Variants in SMNDC1 observed in about 807,000 individuals in gnomAD.
The protein encoded by SMNDC1 is survival of motor neuron-related-splicing factor 30.
Under a neutral mutation model 29.2 loss-of-function variants are expected in SMNDC1, and 5 were observed. The observed-to-expected ratio is 0.17, with a 90% confidence interval of 0.09 to 0.36. The LOEUF (loss-of-function observed/expected upper bound fraction) is 0.36. SMNDC1 is among the 10% of genes least tolerant of loss of function. SMNDC1 has a pLI of 1.00. For missense variants in SMNDC1, 142 were observed against 268.5 expected, an observed-to-expected ratio of 0.53 and a Z score of 3.29; for synonymous variants, 80 against 89.9, an observed-to-expected ratio of 0.89 and a Z score of 0.62.
chr10:110,303,714 T>C lies in SMNDC1; in HGVS notation c.1-127A>G, dbSNP rs560905394. 5.2e-4 allele frequency: 386 copies of C among 748,848 alleles called. 2 individuals are homozygous for C. Among genetic ancestry groups the C allele is most frequent in the South Asian group, 2.1e-3 (108 of 50,464 alleles). 46.4% of individuals were successfully genotyped at this position (748,848 alleles called of 1,614,324 possible). ...ACTCCTTCTAACACTGCAGCTTAAT[T>C]TACCACCATTACCTTTACTCTCAGT... On this transcript the variant is annotated intron_variant, in intron 1 of 5. Transcript: ENST00000369603.
At chr10:110,303,366 A>T in intron 2 of SMNDC1, 102 bp downstream of exon 2, 2 of 978,458 alleles carry the variant, frequency 2.0e-6, no homozygotes, top group Non-Finnish European at 2.9e-6. Context: ...ACATATATAC[A>T]TAGGGTGGGG....
intron 5 of SMNDC1, 143 bp downstream of exon 5, chr10:110,295,085 T>TA: frequency 1.5e-6 from 1 of 674,630 alleles, no homozygotes; most frequent in Non-Finnish European, 2.4e-6. Flanking sequence ...TTCAATAAGT[T>TA]AAATTGAGCA....
In SMNDC1 at chr10:110,291,165, T is replaced by C. The variant is rs1857495398; in HGVS notation, c.*2985A>G. On this transcript the variant is annotated 3_prime_UTR_variant, in exon 6 of 6. Transcript: ENST00000369603. ...AAGTCAAACTTTTATAGTTAACAGT[T>C]CTCAGACGGGGATGCACATCAGGAT... is the stretch of plus-strand genomic sequence containing the variant. The C allele has an allele frequency of 6.6e-6, 1 of 152,216 alleles. No individual in the cohort carries two copies. The highest frequency in any genetic ancestry group is 2.4e-5 in the African/African-American group (1 of 41,460). The allele number at this position is 152,216 out of a possible 1,614,324, so 9.4% of individuals were successfully genotyped here. A position where few individuals can be genotyped will look rare whatever the true frequency, so the allele number is the denominator to read the frequency against.
At chr10:110,300,251 T>C (rs1857626270) in intron 2 of SMNDC1, among the ~76,000 whole-genome samples, 1 of 152,206 alleles carries the variant, frequency 6.6e-6, no homozygotes, top group African/African-American at 2.4e-5. Flanking sequence ...ACTCTATTTC[T>C]TTTAGGACAG....
Position 110,294,229 on chromosome 10 carries a change from G to C in SMNDC1, c.638C>G (p.Thr213Ser). 6.2e-7 allele frequency: 1 copy of C among 1,608,024 alleles called. No individual in the cohort carries two copies. The highest frequency in any genetic ancestry group is 8.5e-7 in the Non-Finnish European group (1 of 1,176,862). Residue 213 changes from threonine (T) to serine (S), a missense_variant, in exon 6 of 6, where the codon ACC becomes AGC. Transcript: ENST00000369603. ...ESVTGKVGVG[T>S]CGIADKPMTQ... is the part of the protein sequence containing the mutation. ...CATAGGTTTATCAGCAATTCCACAG[G>C]TTCCTACTCCAACTTTACCAGTCAC...
intron 4 of SMNDC1, among the ~76,000 whole-genome samples, chr10:110,295,991 T>TA (rs1304040432): frequency 6.6e-6 from 1 of 152,238 alleles, no homozygotes; most frequent in Non-Finnish European, 1.5e-5. Flanking sequence ...CCAGTTGTTT[T>TA]AGGAATAAGT....
At chr10:110,299,094 T>C (rs934827677) in intron 2 of SMNDC1, among the ~76,000 whole-genome samples, 1 of 152,202 alleles carries the variant, frequency 6.6e-6, no homozygotes, top group African/African-American at 2.4e-5. Flanking sequence ...CTATTTTAGC[T>C]GAATAGATCT....
intron 1 of SMNDC1, 56 bp downstream of exon 1, chr10:110,304,692 T>A (rs1857717179): frequency 6.6e-6 from 1 of 151,450 alleles, no homozygotes; most frequent in Admixed American, 6.6e-5. Flanking sequence ...CCGCTTCACC[T>A]CGGGAGGGAC....
intron 3 of SMNDC1, among the ~76,000 whole-genome samples, chr10:110,298,003 T>C (rs1367505596): frequency 6.6e-6 from 1 of 152,200 alleles, no homozygotes; most frequent in Non-Finnish European, 1.5e-5. Context: ...TTTTTTTCTC[T>C]TTTTTGCGAC....
chr10:110,295,100 CA>C, intron 5 of SMNDC1, 127 bp downstream of exon 5: 1 of 776,616 alleles, frequency 1.3e-6, no homozygotes, highest in Non-Finnish European at 2.0e-6. Flanking sequence ...TGAGCATCAA[CA>C]AGGATTCGGA....
rs1857491192 is a variant in SMNDC1 at position 110,290,764 on chromosome 10, G to C, written c.*3386C>G. ...ATATAAAACCTCATTGGTTTTAATA[G>C]ATTTTCTTCCTTTATATTTCAGTTA... is the stretch of plus-strand genomic sequence containing the variant. On this transcript the variant is annotated 3_prime_UTR_variant, in exon 6 of 6. Coordinates refer to ENST00000369603, the MANE Select transcript of SMNDC1 (RefSeq NM_005871.4). The C allele has an allele frequency of 6.6e-6, 1 of 152,126 alleles. No homozygotes were observed. Among genetic ancestry groups the C allele is most frequent in the African/African-American group, 2.4e-5 (1 of 41,392 alleles). The allele number at this position is 152,126 out of a possible 1,614,324, so 9.4% of individuals were successfully genotyped here.
rs571457517 is a variant in SMNDC1 at position 110,295,096 on chromosome 10, T to C, written c.579+132A>G. 2.3e-5 allele frequency: 17 copies of C among 738,522 alleles called. No individual in the cohort carries two copies. The South Asian group carries it at 3.1e-4, about 13-fold the overall frequency. 45.7% of individuals were successfully genotyped at this position (738,522 alleles called of 1,614,324 possible). ...ATTTTTCAATAAGTTAAATTGAGCA[T>C]CAACAAGGATTCGGAATACAAAATC... is the stretch of plus-strand genomic sequence containing the variant. On this transcript the variant is annotated intron_variant, in intron 5 of 5. Coordinates refer to ENST00000369603, the MANE Select transcript of SMNDC1 (RefSeq NM_005871.4).
In SMNDC1 at chr10:110,299,976, T is replaced by C. The variant is rs537254517; in HGVS notation, c.121-1186A>G. 1.5e-3 allele frequency among the ~76,000 whole-genome samples: 229 copies of C among 152,358 alleles called. 2 individuals are homozygous for C. The Middle Eastern group carries it at 0.027, about 18-fold the overall frequency. ...TCTCTAAGTTTTATTAGTTGCCAACTAGCCATTAATTAGATCTTTTTAATT... is the reference window on the plus strand; with the variant it reads ...TCTCTAAGTTTTATTAGTTGCCAACCAGCCATTAATTAGATCTTTTTAATT... On this transcript the variant is annotated intron_variant, in intron 2 of 5. Coordinates refer to ENST00000369603, the MANE Select transcript of SMNDC1 (RefSeq NM_005871.4).
intron 4 of SMNDC1, among the ~76,000 whole-genome samples, chr10:110,296,546 CA>C (rs1857565093): frequency 6.6e-6 from 1 of 152,088 alleles, no homozygotes; most frequent in Admixed American, 6.5e-5. Flanking sequence ...AGAAGTTCAC[CA>C]AAATATTGTT....
At chr10:110,300,906 G>A (rs1857636203) in intron 2 of SMNDC1, among the ~76,000 whole-genome samples, 1 of 152,162 alleles carries the variant, frequency 6.6e-6, no homozygotes, top group Admixed American at 6.5e-5. Context: ...AAAAAAGAAA[G>A]GCAGGACTTT....
At chr10:110,299,049 G>T (rs1434926386) in intron 2 of SMNDC1, among the ~76,000 whole-genome samples, 1 of 152,116 alleles carries the variant, frequency 6.6e-6, no homozygotes, top group African/African-American at 2.4e-5. Flanking sequence ...GAAAATATAA[G>T]ACTTGAGCTT....
At chr10:110,295,470 C>T in intron 4 of SMNDC1, 89 bp from the exon 5 acceptor site, 1 of 925,790 alleles carries the variant, frequency 1.1e-6, no homozygotes, top group Non-Finnish European at 1.6e-6. Context: ...AAAAAAAAAT[C>T]TAATAAACAT....
chr10:110,295,348 T>C lies in SMNDC1; in HGVS notation c.459A>G (p.Lys153=), dbSNP rs951283411. 4 of 1,603,450 alleles carry C rather than the reference T, an allele frequency of 2.5e-6. No individual in the cohort carries two copies. The African/African-American group carries it at 5.4e-5, about 22-fold the overall frequency. The change falls in exon 5 of 6, where the codon AAA becomes AAG. Residue 153 remains lysine, a synonymous_variant. Coordinates refer to ENST00000369603, the MANE Select transcript of SMNDC1 (RefSeq NM_005871.4). ...KEMIAQQREY[K]KKKALKKAQR... is the part of the protein sequence containing the mutation. Reference sequence around the variant, plus strand: ...GAGCTTTTTTCAAAGCTTTCTTCTTTTTATATTCACGCTGCTGGGCAATCA... The same window carrying C: ...GAGCTTTTTTCAAAGCTTTCTTCTTCTTATATTCACGCTGCTGGGCAATCA...
rs770789720 is a variant in SMNDC1, at chr10:110,297,716, C to T, written c.276G>A (p.Ala92=). 5.6e-5 allele frequency: 90 copies of T among 1,613,672 alleles called. No individual in the cohort carries two copies. In the Middle Eastern group the frequency reaches 9.9e-4, roughly 18 times the overall value. Residue 92 remains alanine, a synonymous_variant, in exon 4 of 6, where the codon GCG becomes GCA. Coordinates refer to ENST00000369603, the MANE Select transcript of SMNDC1 (RefSeq NM_005871.4). ...TTTCTTCATCTATCTCCTCAATCTC[C>T]GCTTCATAACACCTGTAAAGATATC... ...VWSEDGQCYE[A]EIEEIDEENG... is the part of the protein sequence containing the mutation.
Sources: allele counts gnomAD v4.1 joint callset (sites outside exome capture counted in the v4.1 genomes callset), GRCh38; gene constraint gnomAD v4.1.1; transcripts MANE v1.5; gene names NCBI Gene and HGNC (gene_info 2026-07-23, HGNC 2026-07-21).